PRDM6: variants seen among roughly 807,000 people sequenced by gnomAD.
The protein encoded by PRDM6 is putative histone-lysine N-methyltransferase PRDM6.
Under a neutral mutation model 60.8 loss-of-function variants are expected in PRDM6, and 25 were observed. The observed-to-expected ratio is 0.41, with a 90% CI of 0.30 to 0.57. The LOEUF is 0.57. Among genes scored for constraint, PRDM6 ranks in the 20% least tolerant of loss-of-function variants. PRDM6 has a pLI of 0.27. For synonymous variants in PRDM6, 407 were observed against 357.4 expected, an observed-to-expected ratio of 1.14 and a Z score of -1.57; for missense variants, 839 against 821.3, an observed-to-expected ratio of 1.02 and a Z score of -0.26.
intron 3 of PRDM6, among the ~76,000 whole-genome samples, chr5:123,153,504 G>A (rs1307649311): frequency 2.0e-5 from 3 of 152,122 alleles, no homozygotes; most frequent in Non-Finnish European, 4.4e-5. Context: ...TGGGATTTGC[G>A]TCACAGTTTC....
chr5:123,117,200 G>A (rs1384151437), intron 3 of PRDM6, among the ~76,000 whole-genome samples: 1 of 151,996 alleles, frequency 6.6e-6, no homozygotes, highest in Non-Finnish European at 1.5e-5. Context: ...TTTAAATTTG[G>A]ACCCAAGTCC....
At chr5:123,174,116 C>A (rs1389021594) in intron 6 of PRDM6, among the ~76,000 whole-genome samples, 1 of 152,194 alleles carries the variant, frequency 6.6e-6, no homozygotes, top group Non-Finnish European at 1.5e-5. Context: ...GGGATGTTTG[C>A]ATTATACTCA....
chr5:123,168,645 C>G (rs1471050294), intron 5 of PRDM6, among the ~76,000 whole-genome samples: 3 of 152,216 alleles, frequency 2.0e-5, no homozygotes, highest in African/African-American at 7.2e-5. Flanking sequence ...TAAAGATTCT[C>G]CTGTGTGAGT....
intron 3 of PRDM6, among the ~76,000 whole-genome samples, chr5:123,138,174 G>A (rs936953506): frequency 2.0e-5 from 3 of 152,046 alleles, no homozygotes; most frequent in African/African-American, 4.8e-5. Flanking sequence ...CTGTTCTAAC[G>A]ACTTTAAAAA....
At chr5:123,167,551 A>G (rs335208) in intron 5 of PRDM6, among the ~76,000 whole-genome samples, 79,069 of 151,940 alleles carry the variant, frequency 0.52, 20,852 homozygotes, top group African/African-American at 0.62. Context: ...CACCACGCCC[A>G]GCTAATTTTG....
rs527448298 is a variant in PRDM6, at chr5:123,181,243, C to T, written c.1673+920C>T. 2.0e-5 allele frequency among the ~76,000 whole-genome samples: 3 copies of T among 152,148 alleles called. No homozygotes were observed. The East Asian group carries it at 5.8e-4, about 29-fold the overall frequency. On this transcript the variant is annotated intron_variant, in intron 7 of 7. Coordinates refer to ENST00000407847, the MANE Select transcript of PRDM6 (RefSeq NM_001136239.4). ...TCCTCCTTTTCTCCATCTTTGAAAA[C>T]CTCATAGTCTAAGGGGAAGCCCAAT...
chr5:123,116,963 C>T (rs983106944), intron 3 of PRDM6, among the ~76,000 whole-genome samples: 1 of 152,224 alleles, frequency 6.6e-6, no homozygotes, highest in African/African-American at 2.4e-5. Context: ...TTTCCTTGTT[C>T]TCCCTAATTT....
intron 3 of PRDM6, among the ~76,000 whole-genome samples, chr5:123,139,470 T>A (rs752722212): frequency 3.3e-5 from 5 of 152,170 alleles, no homozygotes; most frequent in African/African-American, 7.2e-5. Context: ...AGTTTATGGA[T>A]GATATTCAGT....
chr5:123,138,508 A>G (rs1361270201), intron 3 of PRDM6, among the ~76,000 whole-genome samples: 2 of 152,224 alleles, frequency 1.3e-5, no homozygotes, highest in African/African-American at 2.4e-5. Flanking sequence ...CAGCAACTAT[A>G]TTTTTGAAAC....
intron 7 of PRDM6, among the ~76,000 whole-genome samples, chr5:123,184,889 G>A (rs2126893687): frequency 6.6e-6 from 1 of 152,216 alleles, no homozygotes; most frequent in South Asian, 2.1e-4. Context: ...AGAACTCCCT[G>A]AGAAAAGATT....
chr5:123,090,095 C>T lies in PRDM6; in HGVS notation c.81C>T (p.Phe27=). The T allele has an allele frequency of 6.5e-7, 1 of 1,546,714 alleles. No individual in the cohort carries two copies. The highest frequency in any genetic ancestry group is 2.0e-5 in the Admixed American group (1 of 50,918). Residue 27 remains phenylalanine (F), a synonymous_variant, in exon 2 of 8, where the codon TTC becomes TTT. Transcript: ENST00000407847. ...ACCTGCAGCACTGGCAGCAACTCTTCCCTCACGGAGGCGCAGGCCCGCTCA... is the reference window on the plus strand; with the variant it reads ...ACCTGCAGCACTGGCAGCAACTCTTTCCTCACGGAGGCGCAGGCCCGCTCA... The part of the protein sequence containing the change: ...PAYLQHWQQL[F]PHGGAGPLKG...
chr5:123,146,064 A>G (rs999424283), intron 3 of PRDM6, among the ~76,000 whole-genome samples: 2 of 152,194 alleles, frequency 1.3e-5, no homozygotes, highest in African/African-American at 4.8e-5. Flanking sequence ...CCCTTTACAA[A>G]CATTTCCCAC....
chr5:123,115,252 G>A (rs771204634), intron 3 of PRDM6, among the ~76,000 whole-genome samples: 2 of 152,148 alleles, frequency 1.3e-5, no homozygotes, highest in Non-Finnish European at 2.9e-5. Flanking sequence ...GTGTAGTGAC[G>A]TTGGAATGAT....
At chr5:123,150,591 A>T (rs931180514) in intron 3 of PRDM6, among the ~76,000 whole-genome samples, 1 of 152,204 alleles carries the variant, frequency 6.6e-6, no homozygotes, top group African/African-American at 2.4e-5. Context: ...AAACATATTT[A>T]TCTATGTTGG....
chr5:123,183,552 C>A (rs942824301), intron 7 of PRDM6, among the ~76,000 whole-genome samples: 2 of 152,152 alleles, frequency 1.3e-5, no homozygotes, highest in African/African-American at 2.4e-5. Flanking sequence ...GGCCTGTCAG[C>A]AGCTACCCTA....
At chr5:123,134,306 GA>G (rs1352700434) in intron 3 of PRDM6, among the ~76,000 whole-genome samples, 1 of 152,032 alleles carries the variant, frequency 6.6e-6, no homozygotes, top group Non-Finnish European at 1.5e-5. Context: ...ATGTAACACC[GA>G]AAAGAATGTG....
In PRDM6 at chr5:123,155,930, A is replaced by G. The variant is rs1420628002; in HGVS notation, c.947A>G (p.Glu316Gly). The G allele has an allele frequency of 6.4e-7, 1 of 1,551,658 alleles. No homozygotes were observed. Among genetic ancestry groups the G allele is most frequent in the South Asian group, 1.2e-5 (1 of 84,062 alleles). ...GTLQHFIDGGEPSKSSWMRYI... is the reference protein window; with the variant it reads ...GTLQHFIDGGGPSKSSWMRYI... ...CTACAGCACTTTATTGATGGTGGGG[A>G]ACCTAGTAAGTCGAGCTGGATGAGG... The change falls in exon 4 of 8, where the codon GAA (glutamate) becomes GGA (glycine). Residue 316 changes from glutamate to glycine, a missense_variant. Coordinates refer to ENST00000407847, the MANE Select transcript of PRDM6 (RefSeq NM_001136239.4).
chr5:123,164,134 C>A (rs966830363), intron 5 of PRDM6, among the ~76,000 whole-genome samples: 12 of 151,766 alleles, frequency 7.9e-5, no homozygotes, highest in African/African-American at 2.9e-4. Context: ...CAGGCCCTGT[C>A]CTGGAGGAGC....
intron 3 of PRDM6, among the ~76,000 whole-genome samples, chr5:123,139,268 A>T (rs942006701): frequency 6.6e-6 from 1 of 152,196 alleles, no homozygotes; most frequent in African/African-American, 2.4e-5. Flanking sequence ...GAAAATTCTA[A>T]TATTAAATTA....
Sources: allele counts gnomAD v4.1 joint callset (sites outside exome capture counted in the v4.1 genomes callset), GRCh38; gene constraint gnomAD v4.1.1; transcripts MANE v1.5; gene names NCBI Gene and HGNC (gene_info 2026-07-23, HGNC 2026-07-21).